Variants in TRPM8 observed in about 807,000 individuals in gnomAD.
TRPM8 encodes TRPM8 cationic channel.
Under a neutral mutation model 133.7 loss-of-function variants are expected in TRPM8, and 110 were observed. The ratio of observed to expected loss-of-function variants is 0.82; its 90% CI spans 0.70 to 0.96. TRPM8 has a LOEUF of 0.96. Among genes scored for constraint, TRPM8 ranks in the 40% least tolerant of loss-of-function variants. The pLI, the probability that TRPM8 is intolerant of heterozygous loss-of-function variation, is 0.00. For synonymous variants in TRPM8, 535 were observed against 532.3 expected (o/e 1.01, Z -0.07); for missense variants, 1,291 against 1,379.5 (o/e 0.94, Z 1.02).
rs1691421249 is a variant in TRPM8, at chr2:233,960,955, T to A, written c.1542T>A (p.Asn514Lys). 1 of 1,614,132 alleles carries A rather than the reference T, an allele frequency of 6.2e-7. No individual in the cohort carries two copies. The highest frequency in any genetic ancestry group is 1.3e-5 in the African/African-American group (1 of 75,024). Residue 514 changes from asparagine (N) to lysine (K), a missense_variant, in exon 12 of 26, where the codon AAT (asparagine) becomes AAA (lysine). Coordinates refer to ENST00000324695, the MANE Select transcript of TRPM8 (RefSeq NM_024080.5). The stretch of plus-strand genomic sequence containing the variant: ...ACCGGAATCTGCAGATCGCCAAGAA[T>A]TCCTATAATGATGCCCTCCTCACGT... The part of the protein sequence containing the change: ...LVYRNLQIAK[N>K]SYNDALLTFV...
intron 24 of TRPM8, among the ~76,000 whole-genome samples, chr2:234,010,616 C>T (rs987985255): frequency 3.3e-5 from 5 of 152,104 alleles, no homozygotes; most frequent in African/African-American, 7.2e-5. Flanking sequence ...TACAAGAGTT[C>T]GCCTTTTCCC....
rs938426612 is a variant in TRPM8, at chr2:233,960,974, C to T, written c.1561C>T (p.Leu521Phe). 2 of 1,614,182 alleles carry T rather than the reference C, an allele frequency of 1.2e-6. No homozygotes were observed. Among genetic ancestry groups the T allele is most frequent in the South Asian group, 1.1e-5 (1 of 91,074 alleles). The change falls in exon 12 of 26, where the codon CTC becomes TTC. Residue 521 changes from leucine (L) to phenylalanine (F), a missense_variant. Leu to Phe is a conservative substitution (Grantham distance 22). Coordinates refer to ENST00000324695, the MANE Select transcript of TRPM8 (RefSeq NM_024080.5). ...CAAGAATTCCTATAATGATGCCCTCCTCACGTTTGTCTGGAAACTGGTTGC... is the reference window on the plus strand; with the variant it reads ...CAAGAATTCCTATAATGATGCCCTCTTCACGTTTGTCTGGAAACTGGTTGC... ...IAKNSYNDAL[L>F]TFVWKLVANF...
chr2:233,994,108 A>T (rs1692346561), intron 21 of TRPM8, among the ~76,000 whole-genome samples: 1 of 152,328 alleles, frequency 6.6e-6, no homozygotes, highest in South Asian at 2.1e-4. Flanking sequence ...CAATAATTTG[A>T]ATGGTAATAG....
intron 22 of TRPM8, among the ~76,000 whole-genome samples, chr2:234,003,817 G>A (rs971793499): frequency 6.6e-6 from 1 of 152,150 alleles, no homozygotes; most frequent in Admixed American, 6.5e-5. Context: ...TTCAGGTTGA[G>A]GATGTGTGGG....
intron 5 of TRPM8, among the ~76,000 whole-genome samples, chr2:233,940,431 A>G (rs1690877945): frequency 6.6e-6 from 1 of 152,186 alleles, no homozygotes; most frequent in Admixed American, 6.5e-5. Flanking sequence ...CCTTGCTACT[A>G]AATCCTGAAT....
chr2:233,994,215 C>T (rs17864770), intron 21 of TRPM8, among the ~76,000 whole-genome samples: 11,460 of 152,122 alleles, frequency 0.075, 588 homozygotes, highest in East Asian at 0.23. Flanking sequence ...TCGTTGCAGC[C>T]GCAGAAACAT....
chr2:233,985,867 T>C lies in TRPM8; in HGVS notation c.2939+2T>C. ...CAACCTGCTGGTCGCCATGTTTGGG[T>C]ATGTGTTCAGTCACATGTTCACTGA... On this transcript the variant is annotated splice_donor_variant, in intron 21 of 25. Transcript: ENST00000324695. LOFTEE classifies it high-confidence loss of function. The C allele has an allele frequency of 6.2e-7, 1 of 1,610,202 alleles. No homozygotes were observed.
chr2:233,953,132 G>A (rs147619514), intron 9 of TRPM8, among the ~76,000 whole-genome samples: 111 of 152,220 alleles, frequency 7.3e-4, no homozygotes, highest in Non-Finnish European at 1.4e-3. Context: ...CCTTTCCCAG[G>A]CAGCTGCAGC....
At chr2:233,998,193 G>A (rs547794048) in intron 22 of TRPM8, among the ~76,000 whole-genome samples, 1 of 152,216 alleles carries the variant, frequency 6.6e-6, no homozygotes, top group East Asian at 1.9e-4. Flanking sequence ...CAGGCACAGT[G>A]CCAGGGCCCA....
intron 17 of TRPM8, among the ~76,000 whole-genome samples, chr2:233,976,632 T>C (rs1332019710): frequency 6.6e-6 from 1 of 152,118 alleles, no homozygotes; most frequent in Non-Finnish European, 1.5e-5. Flanking sequence ...TTACTAAGTA[T>C]CTCTTCTTGT....
chr2:233,927,910 CTCTCTCTCTCTCTT>C (rs1193407741), intron 2 of TRPM8, among the ~76,000 whole-genome samples: 1 of 38,076 alleles, frequency 2.6e-5, no homozygotes, highest in African/African-American at 2.7e-4. Context: ...TTCTTTCTTT[CTCTCTCTCTCTCTT>C]TCTCTCTCTC....
At chr2:233,942,528 AC>A in intron 5 of TRPM8, 47 bp from the exon 6 acceptor site, 1 of 1,605,658 alleles carries the variant, frequency 6.2e-7, no homozygotes, top group Non-Finnish European at 8.5e-7. Flanking sequence ...CAGAATGGAA[AC>A]TTTGCCCAGT....
At chr2:233,961,775 G>A (rs371518960) in intron 12 of TRPM8, among the ~76,000 whole-genome samples, 8 of 150,206 alleles carry the variant, frequency 5.3e-5, no homozygotes, top group East Asian at 2.0e-4. Context: ...GATTACAGGC[G>A]TCAGCCACCA....
intron 11 of TRPM8, among the ~76,000 whole-genome samples, chr2:233,957,623 A>G (rs145825587): frequency 1.4e-4 from 21 of 152,358 alleles, no homozygotes; most frequent in African/African-American, 4.8e-4. Flanking sequence ...ATCAAAAGAT[A>G]TCATTTTTTA....
chr2:233,987,822 T>C (rs1410056346), intron 21 of TRPM8, among the ~76,000 whole-genome samples: 2 of 152,198 alleles, frequency 1.3e-5, no homozygotes, highest in Non-Finnish European at 2.9e-5. Context: ...CTCACGAGAT[T>C]TGATGGTTTT....
rs774184510 is a variant in TRPM8 at position 233,996,374 on chromosome 2, C to T, written c.2988C>T (p.Phe996=). The T allele has an allele frequency of 2.5e-6, 4 of 1,614,208 alleles. No homozygotes were observed. The highest frequency in any genetic ancestry group is 2.2e-5 in the East Asian group (1 of 44,892). Reference sequence around the variant, plus strand: ...AGAACAATGACCAGGTCTGGAAGTTCCAGAGGTACTTCCTGGTGCAGGAGT... The same window carrying T: ...AGAACAATGACCAGGTCTGGAAGTTTCAGAGGTACTTCCTGGTGCAGGAGT... ...VQENNDQVWK[F]QRYFLVQEYC... is the part of the protein sequence containing the mutation. Residue 996 remains phenylalanine (F), a synonymous_variant, in exon 22 of 26, where the codon TTC becomes TTT. Coordinates refer to ENST00000324695, the MANE Select transcript of TRPM8 (RefSeq NM_024080.5).
At position 233,923,864 on chromosome 2, in the gene TRPM8, G is replaced by T. The variant is rs1453607189; in HGVS notation, c.-5-2669G>T. Among the ~76,000 whole-genome samples, 3 of 152,306 alleles carry T rather than the reference G, an allele frequency of 2.0e-5. No individual in the cohort carries two copies. The South Asian group carries it at 6.2e-4, about 32-fold the overall frequency. On this transcript the variant is annotated intron_variant, in intron 1 of 25. Transcript: ENST00000324695. ...AAAACAGCCAAAATTGAGTTTGCAT[G>T]TAAAGAGGCTTACAATCAATGTGAA...
intron 25 of TRPM8, among the ~76,000 whole-genome samples, chr2:234,016,059 G>A (rs1692948761): frequency 6.6e-6 from 1 of 152,154 alleles, no homozygotes; most frequent in Admixed American, 6.5e-5. Flanking sequence ...CAAATGTGCT[G>A]ACTGTGAGTA....
In TRPM8 at chr2:233,985,816, A is replaced by T; in HGVS notation, c.2890A>T (p.Met964Leu). The T allele has an allele frequency of 6.2e-7, 1 of 1,614,134 alleles. No homozygotes were observed. The highest frequency in any genetic ancestry group is 8.5e-7 in the Non-Finnish European group (1 of 1,180,014). ...CACCATCCCCCTGGTGTGCATCTACATGTTATCCACCAACATCCTGCTGGT... is the reference window on the plus strand; with the variant it reads ...CACCATCCCCCTGGTGTGCATCTACTTGTTATCCACCAACATCCTGCTGGT... ...WITIPLVCIY[M>L]LSTNILLVNL... is the part of the protein sequence containing the mutation. Residue 964 changes from methionine (M) to leucine (L), a missense_variant, in exon 21 of 26, where the codon ATG becomes TTG. Met to Leu is a conservative substitution (Grantham distance 15). Around this residue, in one of 2 missense-constraint regions of TRPM8, gnomAD observed 328 missense variants for 410.6 expected, o/e 0.80. Coordinates refer to ENST00000324695, the MANE Select transcript of TRPM8 (RefSeq NM_024080.5).
Sources: gnomAD v4.1 joint callset for allele counts (sites outside exome capture counted in the v4.1 genomes callset) on GRCh38, gnomAD v4.1.1 for gene constraint, gnomAD v4.1.1 regional missense constraint, MANE v1.5 for transcripts, NCBI Gene and HGNC (gene_info 2026-07-23, HGNC 2026-07-21) for gene names.